Variants in SLC24A2 observed in about 807,000 individuals in gnomAD.
SLC24A2 encodes solute carrier family 24 member 2, also known as sodium/potassium/calcium exchanger 2.
A neutral mutation model predicts 62.0 loss-of-function variants in SLC24A2; 36 were observed. The observed-to-expected ratio is 0.58, with a 90% CI of 0.44 to 0.77. The LOEUF (loss-of-function observed/expected upper bound fraction) is 0.77, where lower values mean the gene tolerates loss of function less well. Ranked by LOEUF, SLC24A2 falls within the 30% of genes least tolerant of loss-of-function variation. The probability of loss-of-function intolerance (pLI) is 0.00; values close to 1 mark genes in which losing one functional copy is unlikely to be tolerated. For synonymous variants in SLC24A2, 358 were observed against 294.0 expected, an observed-to-expected ratio of 1.22 and a Z score of -2.23; for missense variants, 846 against 817.9, an observed-to-expected ratio of 1.03 and a Z score of -0.42.
At chr9:20,070,585 C>G in the SLC24A2 span, among the ~76,000 whole-genome samples, 5 of 152,222 alleles carry the variant, frequency 3.3e-5, no homozygotes, top group African/African-American at 9.6e-5. Flanking sequence ...GCTAAAGCAT[C>G]TAGGACTTTG....
At chr9:19,899,674 T>C in the SLC24A2 span, among the ~76,000 whole-genome samples, 1 of 152,206 alleles carries the variant, frequency 6.6e-6, no homozygotes, top group Non-Finnish European at 1.5e-5. Context: ...TGGTAATTTA[T>C]AAAGAAAGAG....
chr9:19,582,942 TCA>T (rs915835469), intron 5 of SLC24A2, among the ~76,000 whole-genome samples: 3 of 151,910 alleles, frequency 2.0e-5, no homozygotes, highest in Admixed American at 6.6e-5. Context: ...CAGCACCAAG[TCA>T]CATAGGAATA....
the SLC24A2 span, among the ~76,000 whole-genome samples, chr9:19,832,872 A>G: frequency 3.3e-5 from 5 of 152,326 alleles, no homozygotes; most frequent in Non-Finnish European, 7.3e-5. Flanking sequence ...AGAATCTACA[A>G]TGAACTCAAA....
chr9:19,705,031 G>T (rs1407912183), intron 2 of SLC24A2, among the ~76,000 whole-genome samples: 1 of 152,028 alleles, frequency 6.6e-6, no homozygotes, highest in Non-Finnish European at 1.5e-5. Context: ...TTCTCCCTTG[G>T]AAAATTTACC....
the SLC24A2 span, among the ~76,000 whole-genome samples, chr9:19,835,274 G>C: frequency 6.6e-6 from 1 of 152,322 alleles, no homozygotes; most frequent in South Asian, 2.1e-4. Context: ...AAAAGGAAGA[G>C]ACTGGCAAAT....
chr9:20,080,031 T>C, the SLC24A2 span, among the ~76,000 whole-genome samples: 717 of 152,190 alleles, frequency 4.7e-3, 4 homozygotes, highest in Middle Eastern at 0.044. Flanking sequence ...GAATCAATAT[T>C]GTGAAAATGG....
the SLC24A2 span, among the ~76,000 whole-genome samples, chr9:19,811,675 CAATT>C: frequency 2.0e-5 from 3 of 152,086 alleles, no homozygotes; most frequent in Non-Finnish European, 4.4e-5. Flanking sequence ...CGTGCATCCT[CAATT>C]AATTTTAGTC....
the SLC24A2 span, among the ~76,000 whole-genome samples, chr9:19,952,658 ATTTTTTT>A: frequency 7.7e-6 from 1 of 130,604 alleles, no homozygotes; most frequent in Non-Finnish European, 1.6e-5. Context: ...TTTGCCAAGC[ATTTTTTT>A]TTTTTTTTTT....
the SLC24A2 span, among the ~76,000 whole-genome samples, chr9:20,197,554 C>A: frequency 6.6e-6 from 1 of 151,412 alleles, no homozygotes; most frequent in Non-Finnish European, 1.5e-5. Context: ...AGCTCACCCT[C>A]CCGAGTAGCT....
At chr9:19,550,293 T>TAAAC (rs758677025) in intron 7 of SLC24A2, 25 bp from the exon 8 acceptor site, 2 of 1,612,854 alleles carry the variant, frequency 1.2e-6, no homozygotes, top group South Asian at 2.2e-5. Context: ...GAGGTAAAAT[T>TAAAC]AAACAAACAA....
intron 8 of SLC24A2, among the ~76,000 whole-genome samples, chr9:19,536,533 A>T (rs1833989048): frequency 1.3e-5 from 1 of 75,504 alleles, no homozygotes; most frequent in African/African-American, 5.6e-5. Context: ...ACATGAACTC[A>T]TCATTTTTTA....
At chr9:20,269,762 G>A in the SLC24A2 span, among the ~76,000 whole-genome samples, 1 of 152,080 alleles carries the variant, frequency 6.6e-6, no homozygotes, top group African/African-American at 2.4e-5. Context: ...CTGTCAATCT[G>A]AGTCATATGG....
At chr9:19,752,940 A>T (rs1374956461) in intron 2 of SLC24A2, among the ~76,000 whole-genome samples, 1 of 152,164 alleles carries the variant, frequency 6.6e-6, no homozygotes, top group African/African-American at 2.4e-5. Context: ...TATGCTCAAA[A>T]TTCTCTATAT....
intron 2 of SLC24A2, among the ~76,000 whole-genome samples, chr9:19,743,151 A>C (rs750039922): frequency 6.6e-6 from 1 of 152,210 alleles, no homozygotes; most frequent in Non-Finnish European, 1.5e-5. Context: ...AAAATTAAAA[A>C]GTAAAAATTG....
the SLC24A2 span, among the ~76,000 whole-genome samples, chr9:20,244,472 T>G: frequency 6.6e-6 from 1 of 152,196 alleles, no homozygotes; most frequent in African/African-American, 2.4e-5. Flanking sequence ...CTGCGCCCTG[T>G]GAAATGCATG....
chr9:19,901,794 C>T, the SLC24A2 span, among the ~76,000 whole-genome samples: 2 of 151,894 alleles, frequency 1.3e-5, no homozygotes, highest in Non-Finnish European at 2.9e-5. Context: ...CAGGAGAAAG[C>T]TACTGAGATA....
the SLC24A2 span, among the ~76,000 whole-genome samples, chr9:19,839,320 G>A: frequency 5.9e-5 from 9 of 152,204 alleles, no homozygotes; most frequent in African/African-American, 2.2e-4. Context: ...AACCATTGTG[G>A]AAGTCAGTGT....
chr9:19,584,756 C>G (rs552540643), intron 5 of SLC24A2, among the ~76,000 whole-genome samples: 3 of 151,858 alleles, frequency 2.0e-5, no homozygotes, highest in Non-Finnish European at 4.4e-5. Context: ...TCATCTTAAA[C>G]AAAACCACCA....
At chr9:20,290,090 C>T in the SLC24A2 span, among the ~76,000 whole-genome samples, 17 of 152,154 alleles carry the variant, frequency 1.1e-4, no homozygotes, top group Admixed American at 2.6e-4. Context: ...TGCACCCAAC[C>T]CCAACACAAA....
Sources: gnomAD v4.1 joint callset for allele counts (sites outside exome capture counted in the v4.1 genomes callset) on GRCh38, gnomAD v4.1.1 for gene constraint, MANE v1.5 for transcripts, NCBI Gene and HGNC (gene_info 2026-07-23, HGNC 2026-07-21) for gene names.